RCL1: variants seen among roughly 807,000 people sequenced by gnomAD.
RCL1 encodes the protein RNA 3'-terminal phosphate cyclase-like protein.
In RCL1, 24 loss-of-function variants were observed where a neutral mutation model predicts 42.4. The observed-to-expected ratio is 0.57, with a 90% CI of 0.41 to 0.80. RCL1 has a LOEUF of 0.80. Among genes scored for constraint, RCL1 ranks in the 30% least tolerant of loss-of-function variants. The probability of loss-of-function intolerance (pLI) is 0.00; values close to 1 mark genes in which losing one functional copy is unlikely to be tolerated. For synonymous variants in RCL1, 228 were observed against 177.3 expected (o/e 1.29, Z -2.27); for missense variants, 578 against 467.9 (o/e 1.24, Z -2.17).
At chr9:4,810,072 C>T in intron 1 of RCL1, among the ~76,000 whole-genome samples, 1 of 152,186 alleles carries the variant, frequency 6.6e-6, no homozygotes, top group East Asian at 1.9e-4. Flanking sequence ...AAGTGATCTG[C>T]CTGCTTTGGC....
intron 3 of RCL1, among the ~76,000 whole-genome samples, chr9:4,830,417 A>G (rs773228675): frequency 6.6e-6 from 1 of 152,162 alleles, no homozygotes; most frequent in Non-Finnish European, 1.5e-5. Flanking sequence ...TAAGGATTGA[A>G]AACAGAGGTG....
chr9:4,813,284 C>A (rs551940820), intron 1 of RCL1, among the ~76,000 whole-genome samples: 1 of 152,018 alleles, frequency 6.6e-6, no homozygotes, highest in Admixed American at 6.6e-5. Context: ...TGCAATCTAC[C>A]CATCTGACAA....
intron 1 of RCL1, among the ~76,000 whole-genome samples, chr9:4,806,667 G>A (rs1815984887): frequency 6.8e-6 from 1 of 148,068 alleles, no homozygotes; most frequent in Non-Finnish European, 1.5e-5. Context: ...AATTTTATTT[G>A]CTAATGTTTT....
intron 7 of RCL1, 134 bp downstream of exon 7, chr9:4,844,815 T>G: frequency 1.2e-6 from 1 of 850,216 alleles, no homozygotes; most frequent in Non-Finnish European, 1.8e-6. Flanking sequence ...CATTAAGCAG[T>G]TCAGCCTTAA....
chr9:4,844,440 ATGTT>A, intron 6 of RCL1, 81 bp from the exon 7 acceptor site: 5 of 1,051,346 alleles, frequency 4.8e-6, no homozygotes, highest in Non-Finnish European at 7.0e-6. Context: ...GTCAAAAAAA[ATGTT>A]TGTCTTCTCT....
chr9:4,806,457 A>G (rs756013564), intron 1 of RCL1, among the ~76,000 whole-genome samples: 6 of 152,176 alleles, frequency 3.9e-5, no homozygotes, highest in South Asian at 2.1e-4. Flanking sequence ...ATTTTGTCCA[A>G]TGCTTTTTCT....
chr9:4,841,393 C>G (rs1212373110), intron 6 of RCL1, 36 bp downstream of exon 6: 2 of 1,557,186 alleles, frequency 1.3e-6, no homozygotes, highest in Non-Finnish European at 1.8e-6. Context: ...GTTTCTGCAG[C>G]TTTTTCACAT....
chr9:4,837,942 C>T (rs1328197829), intron 5 of RCL1, among the ~76,000 whole-genome samples: 1 of 152,216 alleles, frequency 6.6e-6, no homozygotes, highest in Admixed American at 6.5e-5. Flanking sequence ...TGCCCTTTCT[C>T]AGATCCCTGT....
chr9:4,798,130 C>A (rs1842942999), intron 1 of RCL1, among the ~76,000 whole-genome samples: 1 of 152,182 alleles, frequency 6.6e-6, no homozygotes, highest in African/African-American at 2.4e-5. Flanking sequence ...TGGCCAGCTC[C>A]TGCCTGAAGG....
intron 1 of RCL1, among the ~76,000 whole-genome samples, chr9:4,801,529 T>C (rs1843000376): frequency 6.6e-6 from 1 of 152,130 alleles, no homozygotes; most frequent in African/African-American, 2.4e-5. Context: ...TTTTGGCAGA[T>C]TTGTAGTTTG....
intron 1 of RCL1, among the ~76,000 whole-genome samples, chr9:4,798,754 G>C (rs1286464316): frequency 6.6e-6 from 1 of 152,164 alleles, no homozygotes; most frequent in African/African-American, 2.4e-5. Context: ...GGGCGTAACA[G>C]ATAACTTTAC....
At chr9:4,849,301 C>A in intron 7 of RCL1, 146 bp from the exon 8 acceptor site, 1 of 618,212 alleles carries the variant, frequency 1.6e-6, no homozygotes, top group Non-Finnish European at 2.9e-6. Context: ...ACAATGATTA[C>A]TCTTATAAGA....
chr9:4,818,163 C>G (rs1225620437), intron 1 of RCL1, among the ~76,000 whole-genome samples: 1 of 150,284 alleles, frequency 6.7e-6, no homozygotes, highest in Non-Finnish European at 1.5e-5. Flanking sequence ...TCAGGTGATC[C>G]ACCCGCCTCG....
intron 7 of RCL1, among the ~76,000 whole-genome samples, chr9:4,845,003 T>C (rs1467848546): frequency 6.6e-6 from 1 of 152,172 alleles, no homozygotes; most frequent in Non-Finnish European, 1.5e-5. Flanking sequence ...CACACTGCCC[T>C]AGCCAAAGAG....
chr9:4,860,417 A>G lies in RCL1; in HGVS notation c.*142A>G. On this transcript the variant is annotated 3_prime_UTR_variant, in exon 9 of 9. Coordinates refer to ENST00000381750, the MANE Select transcript of RCL1 (RefSeq NM_005772.5). The stretch of plus-strand genomic sequence containing the variant: ...TCTGTGAAGAAATATCAATATACAA[A>G]TAAAAGACATCCCTGTAGCATATGG... 1 of 886,242 alleles carries G rather than the reference A, an allele frequency of 1.1e-6. No individual in the cohort carries two copies. Among genetic ancestry groups the G allele is most frequent in the South Asian group, 1.9e-5 (1 of 53,516 alleles). 54.9% of individuals were successfully genotyped at this position (886,242 alleles called of 1,614,324 possible).
chr9:4,854,474 A>G (rs538906324), intron 8 of RCL1, among the ~76,000 whole-genome samples: 15 of 152,142 alleles, frequency 9.9e-5, no homozygotes, highest in Non-Finnish European at 2.1e-4. Flanking sequence ...GCTCTGTCCC[A>G]TATCCAGTGG....
rs575534282 is a variant in RCL1 at position 4,849,481 on chromosome 9, C to T, written c.902C>T (p.Ala301Val). Reference sequence around the variant, plus strand: ...GTAGACTCGACCAACCAAAGCCTGGCGCTACTACTCATGACCCTTGGACAG... The same window carrying T: ...GTAGACTCGACCAACCAAAGCCTGGTGCTACTACTCATGACCCTTGGACAG... The part of the protein sequence containing the change: ...GCVDSTNQSL[A>V]LLLMTLGQQD... The change falls in exon 8 of 9, where the codon GCG (alanine) becomes GTG (valine). Residue 301 changes from alanine (A) to valine (V), a missense_variant. Transcript: ENST00000381750. The T allele has an allele frequency of 1.8e-5, 29 of 1,614,038 alleles. No individual in the cohort carries two copies. The highest frequency in any genetic ancestry group is 3.3e-4 in the Middle Eastern group (2 of 6,062).
chr9:4,846,568 A>AG (rs3837253), intron 7 of RCL1, among the ~76,000 whole-genome samples: 1 of 151,918 alleles, frequency 6.6e-6, no homozygotes, highest in Non-Finnish European at 1.5e-5. Flanking sequence ...ACTTATTTGT[A>AG]GGGGGGCGGG....
At chr9:4,842,733 C>T (rs900502096) in intron 6 of RCL1, among the ~76,000 whole-genome samples, 2 of 152,098 alleles carry the variant, frequency 1.3e-5, no homozygotes, top group African/African-American at 4.8e-5. Context: ...CCCTTGTTGG[C>T]CACAGGTCTG....
Sources: allele counts gnomAD v4.1 joint callset (sites outside exome capture counted in the v4.1 genomes callset), GRCh38; gene constraint gnomAD v4.1.1; transcripts MANE v1.5; gene names NCBI Gene and HGNC (gene_info 2026-07-23, HGNC 2026-07-21).